The following ADGRL2 variants were observed in gnomAD, a reference collection of about 807,000 sequenced individuals.
ADGRL2 encodes adhesion G protein-coupled receptor L2.
In ADGRL2, 44 loss-of-function variants were observed where a neutral mutation model predicts 157.4. The ratio of observed to expected loss-of-function variants is 0.28; its 90% CI spans 0.22 to 0.36. The LOEUF is 0.36. Ranked by LOEUF, ADGRL2 falls within the 10% of genes least tolerant of loss-of-function variation. The probability of loss-of-function intolerance (pLI) is 1.00; values close to 1 mark genes in which losing one functional copy is unlikely to be tolerated. For synonymous variants in ADGRL2, 585 were observed against 624.7 expected, an observed-to-expected ratio of 0.94 and a Z score of 0.95; for missense variants, 1,510 against 1,768.9, an observed-to-expected ratio of 0.85 and a Z score of 2.63.
chr1:81,840,131 C>T (rs1296783128), intron 2 of ADGRL2, among the ~76,000 whole-genome samples: 1 of 151,716 alleles, frequency 6.6e-6, no homozygotes, highest in East Asian at 1.9e-4. Flanking sequence ...TTGTTGGTGC[C>T]TTGAGAACAT....
intron 1 of ADGRL2, among the ~76,000 whole-genome samples, chr1:81,333,075 G>A (rs547288409): frequency 6.6e-6 from 1 of 152,252 alleles, no homozygotes; most frequent in Non-Finnish European, 1.5e-5. Context: ...TCTAGACCTT[G>A]TAGATGTGGT....
chr1:81,603,031 G>A (rs1570613554), intron 3 of ADGRL2, among the ~76,000 whole-genome samples: 1 of 152,172 alleles, frequency 6.6e-6, no homozygotes, highest in East Asian at 1.9e-4. Context: ...CAATGACTGA[G>A]TGGAAAAAGC....
chr1:81,606,232 T>G (rs896440212), intron 3 of ADGRL2, among the ~76,000 whole-genome samples: 1 of 152,212 alleles, frequency 6.6e-6, no homozygotes, highest in Admixed American at 6.5e-5. Flanking sequence ...ATCTGTATTC[T>G]TCCCTATTCC....
intron 17 of ADGRL2, among the ~76,000 whole-genome samples, chr1:81,979,571 T>C (rs1661086565): frequency 6.6e-6 from 1 of 151,782 alleles, no homozygotes; most frequent in East Asian, 1.9e-4. Flanking sequence ...TTCCATCAGA[T>C]GGTTTTTAGG....
At chr1:81,607,104 A>T (rs1308000094) in intron 3 of ADGRL2, among the ~76,000 whole-genome samples, 1 of 152,212 alleles carries the variant, frequency 6.6e-6, no homozygotes, top group Non-Finnish European at 1.5e-5. Context: ...AATCCTGGTT[A>T]TAATACCCTG....
At chr1:81,668,028 A>G (rs1400601800) in intron 3 of ADGRL2, among the ~76,000 whole-genome samples, 1 of 152,208 alleles carries the variant, frequency 6.6e-6, no homozygotes, top group Admixed American at 6.5e-5. Flanking sequence ...TCTAAAAATT[A>G]TCTTTAAAAA....
chr1:81,947,655 AT>A (rs1650318497), intron 6 of ADGRL2, among the ~76,000 whole-genome samples: 1 of 152,142 alleles, frequency 6.6e-6, no homozygotes, highest in South Asian at 2.1e-4. Context: ...CAGATGCCCT[AT>A]TTGGGCCATT....
At chr1:81,870,987 C>A (rs1358538237) in intron 2 of ADGRL2, among the ~76,000 whole-genome samples, 3 of 148,798 alleles carry the variant, frequency 2.0e-5, no homozygotes, top group Admixed American at 6.7e-5. Context: ...GCACAATGTG[C>A]AGGTTTGTTA....
chr1:81,844,051 T>C (rs2092697283), intron 2 of ADGRL2, among the ~76,000 whole-genome samples: 1 of 152,220 alleles, frequency 6.6e-6, no homozygotes, highest in African/African-American at 2.4e-5. Context: ...TTATATTGCG[T>C]GGCTGTTTAA....
intron 2 of ADGRL2, among the ~76,000 whole-genome samples, chr1:81,468,597 G>A (rs574358512): frequency 1.8e-3 from 278 of 152,226 alleles, no homozygotes; most frequent in South Asian, 8.3e-3. Context: ...TCGGAAATTT[G>A]AATGGAAGCA....
intron 1 of ADGRL2, among the ~76,000 whole-genome samples, chr1:81,332,114 T>C (rs551909541): frequency 1.3e-5 from 2 of 152,250 alleles, no homozygotes; most frequent in Admixed American, 6.5e-5. Flanking sequence ...ATAGATGTCA[T>C]GATAGAAGGT....
intron 3 of ADGRL2, among the ~76,000 whole-genome samples, chr1:81,617,221 C>T (rs912394546): frequency 3.9e-5 from 6 of 152,302 alleles, no homozygotes; most frequent in Middle Eastern, 3.4e-3. Flanking sequence ...TTCTCATAGG[C>T]GCACGAACCC....
intron 2 of ADGRL2, among the ~76,000 whole-genome samples, chr1:81,454,606 C>G (rs929877015): frequency 4.6e-5 from 7 of 152,132 alleles, no homozygotes; most frequent in African/African-American, 1.7e-4. Flanking sequence ...TGAAGGTTTC[C>G]TCTTGGAATC....
At chr1:81,971,415 C>A (rs1386726461) in intron 16 of ADGRL2, among the ~76,000 whole-genome samples, 1 of 152,092 alleles carries the variant, frequency 6.6e-6, no homozygotes, top group Non-Finnish European at 1.5e-5. Context: ...AACATCTGAA[C>A]AGTTTTTGGG....
At chr1:81,692,325 TC>T (rs1312083080) in intron 3 of ADGRL2, among the ~76,000 whole-genome samples, 1 of 151,918 alleles carries the variant, frequency 6.6e-6, no homozygotes, top group East Asian at 1.9e-4. Flanking sequence ...AATAAATAAA[TC>T]AAATCAAATA....
intron 2 of ADGRL2, among the ~76,000 whole-genome samples, chr1:81,901,661 G>A (rs1302860153): frequency 2.0e-5 from 3 of 151,708 alleles, no homozygotes; most frequent in Non-Finnish European, 2.9e-5. Context: ...ATAAATAAAT[G>A]TTTTCAGGAA....
chr1:81,407,167 T>G (rs1447731372), intron 1 of ADGRL2, among the ~76,000 whole-genome samples: 2 of 152,214 alleles, frequency 1.3e-5, no homozygotes, highest in African/African-American at 4.8e-5. Context: ...ACCACCCTAT[T>G]GTTCATTTGT....
At chr1:81,711,663 T>TTTTATTTTATGGTTTA (rs2083934064) in intron 1 of ADGRL2, among the ~76,000 whole-genome samples, 1 of 152,240 alleles carries the variant, frequency 6.6e-6, no homozygotes, top group African/African-American at 2.4e-5. Flanking sequence ...TATGGTTTGG[T>TTTTATTTTATGGTTTA]GCCACAGTTT....
At chr1:81,745,806 C>T (rs2085226847) in intron 1 of ADGRL2, among the ~76,000 whole-genome samples, 1 of 152,048 alleles carries the variant, frequency 6.6e-6, no homozygotes, top group Non-Finnish European at 1.5e-5. Flanking sequence ...TGGGTTGTTT[C>T]TCCCTCCCAT....
Sources: allele counts gnomAD v4.1 joint callset (sites outside exome capture counted in the v4.1 genomes callset), GRCh38; gene constraint gnomAD v4.1.1; transcripts MANE v1.5; gene names NCBI Gene and HGNC (gene_info 2026-07-23, HGNC 2026-07-21).